Variants in RAP1GDS1 observed in about 807,000 individuals in gnomAD.
The protein encoded by RAP1GDS1 is Rap1 GTPase-GDP dissociation stimulator 1.
RAP1GDS1 carries 35 observed loss-of-function variants against 71.1 expected under a neutral mutation model. That is an observed-to-expected ratio of 0.49 (90% confidence interval 0.38 to 0.65). RAP1GDS1 has a LOEUF of 0.65. Ranked by LOEUF, RAP1GDS1 falls within the 30% of genes least tolerant of loss-of-function variation. The pLI, the probability that RAP1GDS1 is intolerant of heterozygous loss-of-function variation, is 0.00. For missense variants in RAP1GDS1, 663 were observed against 706.1 expected (o/e 0.94, Z 0.69); for synonymous variants, 229 against 243.1 (o/e 0.94, Z 0.54).
intron 6 of RAP1GDS1, among the ~76,000 whole-genome samples, chr4:98,400,528 T>TAAAAAAAAAA (rs774732053): frequency 1.3e-5 from 1 of 74,350 alleles, no homozygotes; most frequent in African/African-American, 4.4e-5. Flanking sequence ...TTTATAGAAG[T>TAAAAAAAAAA]AAAAAAAAAA....
intron 11 of RAP1GDS1, among the ~76,000 whole-genome samples, 191 bp downstream of exon 11, chr4:98,420,335 A>ATTAT (rs35020636): frequency 0.016 from 2,465 of 149,840 alleles, 32 homozygotes; most frequent in African/African-American, 0.03. Flanking sequence ...ATTTATACAT[A>ATTAT]TTATTTATTT....
chr4:98,418,688 G>C lies in RAP1GDS1; in HGVS notation c.1071G>C (p.Gly357=). 6.2e-7 allele frequency: 1 copy of C among 1,609,856 alleles called. No individual in the cohort carries two copies. The highest frequency in any genetic ancestry group is 8.5e-7 in the Non-Finnish European group (1 of 1,178,444). The change falls in exon 10 of 15, where the codon GGG becomes GGC. Residue 357 remains glycine (G), a synonymous_variant. Coordinates refer to ENST00000408927, the MANE Select transcript of RAP1GDS1 (RefSeq NM_001100427.2). The part of the protein sequence containing the change: ...DANCIHMVDN[G]IVEKLMDLLD... ...ATTGTATTCATATGGTAGACAATGGGATTGTAGAAAAACTTATGGATTTAC... is the reference window on the plus strand; with the variant it reads ...ATTGTATTCATATGGTAGACAATGGCATTGTAGAAAAACTTATGGATTTAC...
chr4:98,383,140 T>C lies in RAP1GDS1; in HGVS notation c.508+3977T>C, dbSNP rs377699562. On this transcript the variant is annotated intron_variant, in intron 5 of 14. Transcript: ENST00000408927. ...TAGATGTAATTAATCAATAAATATC[T>C]CATGGAAGGTGTAATTGAGGGTTTA... Among the ~76,000 whole-genome samples, 11 of 151,816 alleles carry C rather than the reference T, an allele frequency of 7.2e-5. No individual in the cohort carries two copies. In the South Asian group the frequency reaches 2.1e-3, roughly 29 times the overall value.
chr4:98,400,528 TAAAAAAAAA>T (rs774732053), intron 6 of RAP1GDS1, among the ~76,000 whole-genome samples: 1 of 74,382 alleles, frequency 1.3e-5, no homozygotes, highest in Admixed American at 1.5e-4. Context: ...TTTATAGAAG[TAAAAAAAAA>T]AAAAAAAAAA....
intron 4 of RAP1GDS1, among the ~76,000 whole-genome samples, chr4:98,366,852 G>A (rs1739575005): frequency 6.6e-6 from 1 of 152,136 alleles, no homozygotes; most frequent in South Asian, 2.1e-4. Context: ...GGTGACTTGG[G>A]TGCTGTTAAA....
chr4:98,320,099 G>T (rs1156698022), intron 2 of RAP1GDS1, among the ~76,000 whole-genome samples: 1 of 152,188 alleles, frequency 6.6e-6, no homozygotes, highest in Non-Finnish European at 1.5e-5. Flanking sequence ...TTTACTGCAA[G>T]AATATAGTAT....
At chr4:98,314,111 A>T (rs1472296251) in intron 2 of RAP1GDS1, among the ~76,000 whole-genome samples, 1 of 152,164 alleles carries the variant, frequency 6.6e-6, no homozygotes, top group East Asian at 1.9e-4. Context: ...TTGGCTCGTA[A>T]TAACTTAGTT....
chr4:98,388,263 G>A lies in RAP1GDS1; in HGVS notation c.509-3689G>A, dbSNP rs117691778. Among the ~76,000 whole-genome samples the A allele has an allele frequency of 2.6e-4, 39 of 152,282 alleles. 1 individual carries two copies. In the East Asian group the frequency reaches 7.1e-3, roughly 28 times the overall value. Reference sequence around the variant, plus strand: ...TCTTCTCAAATAAGCATGATGAGATGTTAGGAGCTTTATTAGTGTTATTTC... The same window carrying A: ...TCTTCTCAAATAAGCATGATGAGATATTAGGAGCTTTATTAGTGTTATTTC... On this transcript the variant is annotated intron_variant, in intron 5 of 14. Transcript: ENST00000408927.
At chr4:98,330,348 C>T (rs890193748) in intron 2 of RAP1GDS1, among the ~76,000 whole-genome samples, 17 of 152,306 alleles carry the variant, frequency 1.1e-4, no homozygotes, top group South Asian at 4.1e-4. Flanking sequence ...ACCTCCCAGA[C>T]GGGGTGGCGG....
chr4:98,396,123 C>G (rs13103832), intron 6 of RAP1GDS1: 25,841 of 151,520 alleles, frequency 0.17, 2,396 homozygotes, highest in Non-Finnish European at 0.21. Flanking sequence ...CACTTATCAC[C>G]AAGGGGATGG....
At chr4:98,275,557 G>A (rs550194506) in intron 1 of RAP1GDS1, among the ~76,000 whole-genome samples, 13 of 152,164 alleles carry the variant, frequency 8.5e-5, no homozygotes, top group East Asian at 3.9e-4. Context: ...AGAAGTAAAA[G>A]CCATTATTTT....
chr4:98,261,759 G>C, intron 1 of RAP1GDS1, 190 bp downstream of exon 1: 2 of 721,064 alleles, frequency 2.8e-6, no homozygotes, highest in Admixed American at 3.1e-5. Flanking sequence ...GGAGGGTCCC[G>C]AGCGCGGGCT....
chr4:98,420,972 T>A (rs1748772641), intron 11 of RAP1GDS1, among the ~76,000 whole-genome samples: 1 of 152,108 alleles, frequency 6.6e-6, no homozygotes, highest in Admixed American at 6.5e-5. Flanking sequence ...TTGCATAGAG[T>A]CTTTCTAAGA....
intron 2 of RAP1GDS1, among the ~76,000 whole-genome samples, chr4:98,338,042 T>C (rs1469173067): frequency 6.6e-6 from 1 of 152,058 alleles, no homozygotes; most frequent in Non-Finnish European, 1.5e-5. Context: ...TTAGGGAGAC[T>C]TGAGGAGGCT....
At chr4:98,410,352 CAAAAT>C (rs564048879) in intron 7 of RAP1GDS1, among the ~76,000 whole-genome samples, 23 of 152,006 alleles carry the variant, frequency 1.5e-4, no homozygotes, top group Non-Finnish European at 2.9e-4. Context: ...TTAGGTAACA[CAAAAT>C]AAAACCACAA....
At chr4:98,294,919 T>G (rs1727503820) in intron 2 of RAP1GDS1, among the ~76,000 whole-genome samples, 1 of 152,118 alleles carries the variant, frequency 6.6e-6, no homozygotes, top group East Asian at 1.9e-4. Flanking sequence ...AGTTGTTTTA[T>G]TATAACCTTC....
rs151249513 is a variant in RAP1GDS1, at chr4:98,264,157, G to A, written c.4+2588G>A. Among the ~76,000 whole-genome samples the A allele has an allele frequency of 7.8e-3, 1,184 of 152,244 alleles. 14 individuals are homozygous for A. The highest frequency in any genetic ancestry group is 0.027 in the African/African-American group (1,130 of 41,532). ...AGCCGGGCGCGCACTTTGGGAGGCC[G>A]AGGCGGGCGGATCACCTGAGGTCAG... On this transcript the variant is annotated intron_variant, in intron 1 of 14. Transcript: ENST00000408927.
chr4:98,426,002 A>G (rs1749556478), intron 12 of RAP1GDS1, among the ~76,000 whole-genome samples: 1 of 152,206 alleles, frequency 6.6e-6, no homozygotes, highest in Admixed American at 6.5e-5. Flanking sequence ...AAATTTTAAG[A>G]AAATTGAAAT....
At chr4:98,372,571 A>G (rs112837444) in intron 4 of RAP1GDS1, among the ~76,000 whole-genome samples, 5 of 152,214 alleles carry the variant, frequency 3.3e-5, no homozygotes, top group Admixed American at 1.3e-4. Context: ...ATTATGTCAC[A>G]TTAATTTAAT....
Sources: gnomAD v4.1 joint callset for allele counts (sites outside exome capture counted in the v4.1 genomes callset) on GRCh38, gnomAD v4.1.1 for gene constraint, MANE v1.5 for transcripts, NCBI Gene and HGNC (gene_info 2026-07-23, HGNC 2026-07-21) for gene names.